SLC5A11: variants seen among roughly 807,000 people sequenced by gnomAD.
SLC5A11 encodes solute carrier family 5 member 11, also known as sodium/myo-inositol cotransporter 2.
A neutral mutation model predicts 69.8 loss-of-function variants in SLC5A11; 48 were observed. The ratio of observed to expected loss-of-function variants is 0.69; its 90% confidence interval spans 0.55 to 0.87. The LOEUF (loss-of-function observed/expected upper bound fraction) is 0.87, where lower values mean the gene tolerates loss of function less well. Ranked by LOEUF, SLC5A11 falls within the 40% of genes least tolerant of loss-of-function variation. SLC5A11 has a pLI of 0.00. For synonymous variants in SLC5A11, 319 were observed against 342.4 expected, an observed-to-expected ratio of 0.93 and a Z score of 0.75; for missense variants, 784 against 866.1, an observed-to-expected ratio of 0.91 and a Z score of 1.19.
rs531897661 is a variant in SLC5A11, at chr16:24,853,980, C to T, written c.-24-4640C>T. On this transcript the variant is annotated intron_variant, in intron 1 of 15. Transcript: ENST00000347898. ...CGTGAAGATGGAGCCACGTCCCTCG[C>T]GGCCCCTGGCTGGGCCCCACCTCCC... is the stretch of plus-strand genomic sequence containing the variant. Among the ~76,000 whole-genome samples, 6 of 152,326 alleles carry T rather than the reference C, an allele frequency of 3.9e-5. 1 individual carries two copies. Among genetic ancestry groups the T allele is most frequent in the East Asian group, 1.9e-4 (1 of 5,172 alleles).
intron 12 of SLC5A11, 28 bp from the exon 14 acceptor site, chr16:24,907,935 A>T: frequency 6.2e-7 from 1 of 1,612,918 alleles, no homozygotes; most frequent in Non-Finnish European, 8.5e-7. Context: ...AGATGATGCT[A>T]ATTTGTGCCT....
chr16:24,862,444 A>T (rs917773329), intron 2 of SLC5A11, among the ~76,000 whole-genome samples, 157 bp from the exon 4 acceptor site: 4 of 152,240 alleles, frequency 2.6e-5, no homozygotes, highest in African/African-American at 9.6e-5. Context: ...ACAAAATTAA[A>T]ATTTTATCCA....
In SLC5A11 at chr16:24,849,591, A is replaced by C. The variant is rs917188199; in HGVS notation, c.-25+3153A>C. The stretch of plus-strand genomic sequence containing the variant: ...TGGGGGCAAAAAAAAAAAAAAAAAA[A>C]AAATATATATATATATATATATATA... On this transcript the variant is annotated intron_variant, in intron 1 of 15. Transcript: ENST00000347898. 7.0e-5 allele frequency among the ~76,000 whole-genome samples: 4 copies of C among 57,498 alleles called. 1 individual carries two copies. The highest frequency in any genetic ancestry group is 1.8e-4 in the Admixed American group (1 of 5,454). 37.7% of individuals were successfully genotyped at this position (57,498 alleles called of 152,430 possible).
chr16:24,891,208 TTTCCA>T (rs1477924464), intron 9 of SLC5A11, 134 bp downstream of exon 10: 12 of 764,014 alleles, frequency 1.6e-5, no homozygotes, highest in Non-Finnish European at 2.2e-5. Flanking sequence ...TACTTCCTCC[TTTCCA>T]TTGCTCTACA....
intron 5 of SLC5A11, among the ~76,000 whole-genome samples, chr16:24,873,955 T>G (rs1313994268): frequency 6.6e-6 from 1 of 151,582 alleles, no homozygotes; most frequent in Non-Finnish European, 1.5e-5. Context: ...ACCTCCCAAG[T>G]AGCTGGGATT....
At chr16:24,903,302 G>T (rs568146289) in intron 10 of SLC5A11, among the ~76,000 whole-genome samples, 2 of 151,958 alleles carry the variant, frequency 1.3e-5, no homozygotes, top group African/African-American at 4.8e-5. Flanking sequence ...GACCACATCA[G>T]TGTAATTAGC....
At chr16:24,910,640 GA>G (rs757552746) in intron 15 of SLC5A11, among the ~76,000 whole-genome samples, 163 bp downstream of exon 16, 13 of 152,118 alleles carry the variant, frequency 8.5e-5, no homozygotes, top group African/African-American at 3.1e-4. Flanking sequence ...CCGGCCATGG[GA>G]AAGGAGTTTT....
exon 15 of SLC5A11, chr16:24,910,338 C>T: frequency 6.2e-7 from 1 of 1,614,098 alleles, no homozygotes; most frequent in Non-Finnish European, 8.5e-7. Context: ...CTCGTCACGA[C>T]CCCGTGGTCC....
At chr16:24,863,450 G>A (rs1220103213) in intron 3 of SLC5A11, among the ~76,000 whole-genome samples, 1 of 152,098 alleles carries the variant, frequency 6.6e-6, no homozygotes, top group Non-Finnish European at 1.5e-5. Flanking sequence ...TCCCAAGAGG[G>A]CAAAAATGAA....
At chr16:24,854,474 G>C (rs1037654834) in intron 1 of SLC5A11, among the ~76,000 whole-genome samples, 2 of 151,692 alleles carry the variant, frequency 1.3e-5, no homozygotes, top group African/African-American at 4.8e-5. Flanking sequence ...CTGTCCCCCA[G>C]GCTGGAGTGC....
At chr16:24,865,925 TA>T (rs1567594324) in intron 3 of SLC5A11, among the ~76,000 whole-genome samples, 1 of 151,788 alleles carries the variant, frequency 6.6e-6, no homozygotes, top group Non-Finnish European at 1.5e-5. Context: ...CTCTCTAATT[TA>T]AAAGACAGTT....
chr16:24,895,106 T>C (rs901037270), intron 9 of SLC5A11, among the ~76,000 whole-genome samples: 4 of 150,108 alleles, frequency 2.7e-5, no homozygotes, highest in South Asian at 2.1e-4. Context: ...ATCTGGGTGA[T>C]AGAGTGAGAT....
intron 13 of SLC5A11, 133 bp downstream of exon 14, chr16:24,908,264 G>C: frequency 9.9e-7 from 1 of 1,009,986 alleles, no homozygotes; most frequent in Non-Finnish European, 1.4e-6. Context: ...GAGTTCCATT[G>C]GTGGAAGATA....
At chr16:24,907,228 C>T in intron 12 of SLC5A11, 53 bp downstream of exon 13, 1 of 1,597,406 alleles carries the variant, frequency 6.3e-7, no homozygotes, top group African/African-American at 1.3e-5. Context: ...GCTGAGCCCA[C>T]CCAGAGGCAA....
chr16:24,895,041 C>T (rs990377325), intron 9 of SLC5A11, among the ~76,000 whole-genome samples: 3 of 151,826 alleles, frequency 2.0e-5, no homozygotes. Context: ...GGGAGGATCA[C>T]TTTAGCTCTG....
chr16:24,890,027 C>A (rs2048671722), intron 8 of SLC5A11, among the ~76,000 whole-genome samples: 1 of 151,942 alleles, frequency 6.6e-6, no homozygotes, highest in Admixed American at 6.6e-5. Context: ...GAAAATCAAC[C>A]CACAAGAGGC....
At chr16:24,852,881 TAGCACAG>T in intron 1 of SLC5A11, among the ~76,000 whole-genome samples, 1 of 62,314 alleles carries the variant, frequency 1.6e-5, no homozygotes. Flanking sequence ...CCCCAGGGCC[TAGCACAG>T]AGCATGGCAC....
At chr16:24,908,806 T>G in intron 13 of SLC5A11, 75 bp from the exon 15 acceptor site, 2 of 1,426,322 alleles carry the variant, frequency 1.4e-6, no homozygotes, top group African/African-American at 1.4e-5. Context: ...AGACAAGTCC[T>G]GGAGATGGCT....
intron 9 of SLC5A11, among the ~76,000 whole-genome samples, chr16:24,895,334 C>G (rs1196167359): frequency 6.6e-6 from 1 of 150,836 alleles, no homozygotes; most frequent in African/African-American, 2.4e-5. Context: ...ACTAAAAATA[C>G]AAAAATTAGC....
Sources: allele counts gnomAD v4.1 joint callset (sites outside exome capture counted in the v4.1 genomes callset), GRCh38; gene constraint gnomAD v4.1.1; transcripts MANE v1.5; gene names NCBI Gene and HGNC (gene_info 2026-07-23, HGNC 2026-07-21).